The following UMAD1 variants were observed in gnomAD, a reference collection of about 807,000 sequenced individuals.
UMAD1 encodes the protein UBAP1-MVB12-associated (UMA)-domain containing protein 1.
In UMAD1, 8 loss-of-function variants were observed where a neutral mutation model predicts 6.1. That is an observed-to-expected ratio of 1.30 (90% CI 0.76 to 2.35). The LOEUF is 2.35. Ranked by LOEUF, UMAD1 falls within the 30% of genes most tolerant of loss-of-function variation. The pLI, the probability that UMAD1 is intolerant of heterozygous loss-of-function variation, is 0.00. For synonymous variants in UMAD1, 56 were observed against 31.4 expected (o/e 1.78, Z -2.61); for missense variants, 130 against 78.4 (o/e 1.66, Z -2.49).
chr7:7,848,959 C>T (rs1783861484), intron 3 of UMAD1, among the ~76,000 whole-genome samples: 1 of 152,076 alleles, frequency 6.6e-6, no homozygotes, highest in Non-Finnish European at 1.5e-5. Context: ...TATTATTGTT[C>T]TACCTGTTAT....
At chr7:7,852,328 T>C (rs1783931368) in intron 3 of UMAD1, among the ~76,000 whole-genome samples, 3 of 152,200 alleles carry the variant, frequency 2.0e-5, no homozygotes, top group African/African-American at 7.2e-5. Context: ...AGGCAATTAG[T>C]TCTGTAGAAG....
chr7:7,869,329 C>A (rs1486936923), intron 3 of UMAD1, among the ~76,000 whole-genome samples: 2 of 152,114 alleles, frequency 1.3e-5, no homozygotes, highest in Non-Finnish European at 2.9e-5. Context: ...GGCTATTGTT[C>A]AAAGAAGCAC....
At chr7:7,871,537 A>C (rs1253962968) in intron 3 of UMAD1, among the ~76,000 whole-genome samples, 1 of 152,236 alleles carries the variant, frequency 6.6e-6, no homozygotes, top group African/African-American at 2.4e-5. Flanking sequence ...TGTAAGACTT[A>C]AATGAGCAAA....
intron 1 of UMAD1, among the ~76,000 whole-genome samples, chr7:7,669,054 A>G (rs1779539619): frequency 2.0e-5 from 3 of 151,186 alleles, no homozygotes; most frequent in Middle Eastern, 6.8e-3. Context: ...CTCTACACAT[A>G]TATAGACAGT....
At chr7:7,667,520 T>C (rs1482307019) in intron 1 of UMAD1, among the ~76,000 whole-genome samples, 4 of 152,190 alleles carry the variant, frequency 2.6e-5, no homozygotes, top group Non-Finnish European at 4.4e-5. Flanking sequence ...GGTTGCAGTT[T>C]TTTTTCCCTA....
At chr7:7,725,535 G>A (rs1781123430) in intron 2 of UMAD1, among the ~76,000 whole-genome samples, 1 of 152,144 alleles carries the variant, frequency 6.6e-6, no homozygotes, top group Non-Finnish European at 1.5e-5. Flanking sequence ...ACAGCTCTTG[G>A]CCTGTTACTG....
At chr7:7,699,654 G>A (rs1420867630) in intron 2 of UMAD1, among the ~76,000 whole-genome samples, 1 of 152,106 alleles carries the variant, frequency 6.6e-6, no homozygotes, top group Non-Finnish European at 1.5e-5. Context: ...CTTCCTCCAG[G>A]CTTTTCACAT....
chr7:7,831,954 T>C (rs1783475413), intron 3 of UMAD1, among the ~76,000 whole-genome samples: 2 of 152,328 alleles, frequency 1.3e-5, no homozygotes, highest in South Asian at 2.1e-4. Context: ...ATTTTGAAGA[T>C]ACAATTAGCC....
At chr7:7,733,418 C>G (rs184595774) in intron 2 of UMAD1, among the ~76,000 whole-genome samples, 5 of 151,974 alleles carry the variant, frequency 3.3e-5, no homozygotes, top group Middle Eastern at 3.4e-3. Flanking sequence ...CAAGGCCAAA[C>G]AATCTAAACT....
chr7:7,786,310 T>C (rs1215820250), intron 2 of UMAD1, among the ~76,000 whole-genome samples: 2 of 152,232 alleles, frequency 1.3e-5, no homozygotes, highest in East Asian at 3.8e-4. Context: ...TTTTGTAAAA[T>C]ATCCCTCAAT....
intron 1 of UMAD1, among the ~76,000 whole-genome samples, chr7:7,659,165 T>C (rs569335336): frequency 6.6e-6 from 1 of 152,322 alleles, no homozygotes; most frequent in African/African-American, 2.4e-5. Flanking sequence ...CTTTATCATT[T>C]TTTATTGCAT....
chr7:7,805,004 A>T (rs930546731), intron 3 of UMAD1, among the ~76,000 whole-genome samples: 1 of 142,296 alleles, frequency 7.0e-6, no homozygotes, highest in African/African-American at 2.9e-5. Flanking sequence ...AAAACAAAAC[A>T]AAACAAAACA....
intron 3 of UMAD1, among the ~76,000 whole-genome samples, chr7:7,863,019 T>TA (rs149006477): frequency 0.14 from 21,716 of 151,152 alleles, 2,190 homozygotes; most frequent in Non-Finnish European, 0.2. Flanking sequence ...TGATTTAATG[T>TA]AAAAAAAAAG....
At chr7:7,813,280 C>T (rs2115286765) in intron 3 of UMAD1, among the ~76,000 whole-genome samples, 1 of 152,290 alleles carries the variant, frequency 6.6e-6, no homozygotes, top group Non-Finnish European at 1.5e-5. Flanking sequence ...CCTTGGCTCA[C>T]TGCAACCTCC....
At chr7:7,867,217 GA>G (rs1784248718) in intron 3 of UMAD1, among the ~76,000 whole-genome samples, 1 of 152,162 alleles carries the variant, frequency 6.6e-6, no homozygotes, top group Admixed American at 6.5e-5. Context: ...TATGCAAAAG[GA>G]AATGTATAAT....
chr7:7,731,714 A>G (rs1217223514), intron 2 of UMAD1, among the ~76,000 whole-genome samples: 2 of 152,208 alleles, frequency 1.3e-5, no homozygotes, highest in Non-Finnish European at 2.9e-5. Context: ...TCTTCTATGG[A>G]GTGTAACGCT....
intron 2 of UMAD1, among the ~76,000 whole-genome samples, chr7:7,791,541 C>T (rs1457315829): frequency 6.6e-6 from 1 of 152,192 alleles, no homozygotes; most frequent in African/African-American, 2.4e-5. Flanking sequence ...TTCTAGTCTT[C>T]CAGCCTGGAA....
In UMAD1 at chr7:7,792,456, A is replaced by T. The variant is rs1469070699; in HGVS notation, c.83-9214A>T. Among the ~76,000 whole-genome samples, 5 of 152,366 alleles carry T rather than the reference A, an allele frequency of 3.3e-5. No individual in the cohort carries two copies. The South Asian group carries it at 1.0e-3, about 32-fold the overall frequency. On this transcript the variant is annotated intron_variant, in intron 2 of 3. Coordinates refer to ENST00000682710, the MANE Select transcript of UMAD1 (RefSeq NM_001302348.2). ...TAGAAAAAGTAGGAGGGGAAACTAA[A>T]CTGAATTGGAAGAGATTTAAATGTA...
At chr7:7,763,302 G>A (rs112386135) in intron 2 of UMAD1, among the ~76,000 whole-genome samples, 5 of 152,050 alleles carry the variant, frequency 3.3e-5, no homozygotes, top group East Asian at 1.9e-4. Context: ...GGGTGCATGC[G>A]CAAGTTTGTT....
Sources: allele counts gnomAD v4.1 joint callset (sites outside exome capture counted in the v4.1 genomes callset), GRCh38; gene constraint gnomAD v4.1.1; transcripts MANE v1.5; gene names NCBI Gene and HGNC (gene_info 2026-07-23, HGNC 2026-07-21).